Variants in FOXN3 observed in about 807,000 individuals in gnomAD.
FOXN3 encodes the protein forkhead box protein N3.
Under a neutral mutation model 38.4 loss-of-function variants are expected in FOXN3, and 7 were observed. That is an observed-to-expected ratio of 0.18 (90% confidence interval 0.10 to 0.34). The LOEUF (loss-of-function observed/expected upper bound fraction) is 0.34. Ranked by LOEUF, FOXN3 falls within the 10% of genes least tolerant of loss-of-function variation. The probability of loss-of-function intolerance (pLI) is 1.00; values close to 1 mark genes in which losing one functional copy is unlikely to be tolerated. For synonymous variants in FOXN3, 230 were observed against 242.2 expected (o/e 0.95, Z 0.47); for missense variants, 456 against 613.4 (o/e 0.74, Z 2.71).
At chr14:89,604,259 G>A (rs1022360970) in intron 1 of FOXN3, among the ~76,000 whole-genome samples, 34 of 149,664 alleles carry the variant, frequency 2.3e-4, no homozygotes, top group African/African-American at 6.9e-4. Context: ...ACACACACGC[G>A]CGCGCACACA....
intron 3 of FOXN3, among the ~76,000 whole-genome samples, chr14:89,334,133 T>C (rs952230746): frequency 1.3e-5 from 2 of 151,726 alleles, no homozygotes; most frequent in African/African-American, 4.8e-5. Context: ...TCATGCTACA[T>C]GAAACAAGCC....
chr14:89,198,492 C>T (rs751744135), intron 4 of FOXN3, among the ~76,000 whole-genome samples: 9 of 152,182 alleles, frequency 5.9e-5, no homozygotes, highest in Non-Finnish European at 1.3e-4. Context: ...AACAAATAAA[C>T]AAAACTCCAA....
intron 2 of FOXN3, among the ~76,000 whole-genome samples, chr14:89,376,099 A>G (rs1432588608): frequency 6.6e-6 from 1 of 152,184 alleles, no homozygotes; most frequent in Non-Finnish European, 1.5e-5. Flanking sequence ...TTCAGTTTTT[A>G]AATACCATTC....
chr14:89,436,251 G>A (rs900436825), intron 1 of FOXN3, among the ~76,000 whole-genome samples: 5 of 143,330 alleles, frequency 3.5e-5, no homozygotes, highest in Non-Finnish European at 7.5e-5. Context: ...TACATTCTTG[G>A]TTTTATAGCC....
At chr14:89,296,333 T>C (rs1887040403) in intron 3 of FOXN3, among the ~76,000 whole-genome samples, 1 of 152,256 alleles carries the variant, frequency 6.6e-6, no homozygotes, top group South Asian at 2.1e-4. Flanking sequence ...AGTACATTAT[T>C]TGCATGATAT....
At chr14:89,439,438 G>A (rs961051168) in intron 1 of FOXN3, among the ~76,000 whole-genome samples, 16 of 152,164 alleles carry the variant, frequency 1.1e-4, no homozygotes, top group African/African-American at 2.9e-4. Flanking sequence ...AGATGGTGAC[G>A]AGAGTGACCT....
chr14:89,276,132 A>G (rs2139910693), intron 4 of FOXN3, among the ~76,000 whole-genome samples: 1 of 152,278 alleles, frequency 6.6e-6, no homozygotes, highest in Non-Finnish European at 1.5e-5. Context: ...CGTAAAAATT[A>G]GCTGAGTGGG....
At chr14:89,471,980 GT>G (rs1256352176) in intron 1 of FOXN3, among the ~76,000 whole-genome samples, 10 of 152,276 alleles carry the variant, frequency 6.6e-5, no homozygotes, top group Admixed American at 4.6e-4. Context: ...TTCCGGCCAG[GT>G]GTGGTGGCTC....
rs116506329 is a variant in FOXN3 at position 89,541,055 on chromosome 14, G to A, written c.-15+77973C>T. Among the ~76,000 whole-genome samples the A allele has an allele frequency of 3.2e-3, 492 of 152,256 alleles. 3 individuals carry two copies. The highest frequency in any genetic ancestry group is 0.011 in the African/African-American group (467 of 41,554). ...TTGGAAGAATTCTAAGATTCTTACC[G>A]ATTTTGATTTCAATTTGTACATTGT... On this transcript the variant is annotated intron_variant, in intron 1 of 6. Transcript: ENST00000345097.
At chr14:89,513,150 G>GA (rs36003791) in intron 1 of FOXN3, among the ~76,000 whole-genome samples, 51,743 of 101,924 alleles carry the variant, frequency 0.51, 14,029 homozygotes, top group Middle Eastern at 0.62. Flanking sequence ...TCCATCTCAG[G>GA]AAAAAAAAAA....
At chr14:89,574,070 T>C (rs1169102907) in intron 1 of FOXN3, among the ~76,000 whole-genome samples, 2 of 152,178 alleles carry the variant, frequency 1.3e-5, no homozygotes, top group Non-Finnish European at 2.9e-5. Flanking sequence ...AGGTCCTTAG[T>C]AGCAAAGAGG....
At chr14:89,561,369 C>T (rs1471983967) in intron 1 of FOXN3, among the ~76,000 whole-genome samples, 1 of 152,214 alleles carries the variant, frequency 6.6e-6, no homozygotes, top group Non-Finnish European at 1.5e-5. Context: ...TGCACCACCA[C>T]ACCCAGCTAA....
In FOXN3 at chr14:89,173,614, G is replaced by A. The variant is rs367708358; in HGVS notation, c.851+7087C>T. Among the ~76,000 whole-genome samples, 69 of 152,206 alleles carry A rather than the reference G, an allele frequency of 4.5e-4. No individual in the cohort carries two copies. In the East Asian group the frequency reaches 5.4e-3, roughly 12 times the overall value. On this transcript the variant is annotated intron_variant, in intron 5 of 5. Coordinates refer to ENST00000557258, the MANE Select transcript of FOXN3 (RefSeq NM_005197.4). ...TAGCAGTGAAAATGACTCAATTACA[G>A]CTAGATGTCACAAAACAAAGAAACC...
At chr14:89,602,558 G>T (rs1471753968) in intron 1 of FOXN3, among the ~76,000 whole-genome samples, 1 of 151,446 alleles carries the variant, frequency 6.6e-6, no homozygotes, top group African/African-American at 2.4e-5. Flanking sequence ...GTGCAGTGGC[G>T]CGATCTCGGC....
At chr14:89,273,041 C>T (rs1455356015) in intron 4 of FOXN3, among the ~76,000 whole-genome samples, 3 of 152,204 alleles carry the variant, frequency 2.0e-5, no homozygotes, top group East Asian at 1.9e-4. Context: ...TCCCCAGTTT[C>T]GGACTGAGCC....
intron 4 of FOXN3, among the ~76,000 whole-genome samples, chr14:89,255,525 A>G (rs956711384): frequency 6.6e-6 from 1 of 151,790 alleles, no homozygotes; most frequent in Non-Finnish European, 1.5e-5. Context: ...TCTCCCTCAC[A>G]CCCAGAATGC....
chr14:89,281,281 C>T (rs1393311625), intron 3 of FOXN3, among the ~76,000 whole-genome samples: 3 of 152,178 alleles, frequency 2.0e-5, no homozygotes, highest in African/African-American at 4.8e-5. Flanking sequence ...CACAAAATGG[C>T]AAATTCACAT....
intron 3 of FOXN3, among the ~76,000 whole-genome samples, chr14:89,344,466 C>A (rs1888708813): frequency 6.6e-6 from 1 of 152,170 alleles, no homozygotes; most frequent in South Asian, 2.1e-4. Context: ...AATGCAAAAC[C>A]TGTTCTCCAA....
chr14:89,338,040 T>C (rs1888515833), intron 3 of FOXN3, among the ~76,000 whole-genome samples: 1 of 152,180 alleles, frequency 6.6e-6, no homozygotes. Flanking sequence ...GGGCAGCCTG[T>C]CTTAGGCTTG....
Sources: gnomAD v4.1 joint callset for allele counts (sites outside exome capture counted in the v4.1 genomes callset) on GRCh38, gnomAD v4.1.1 for gene constraint, MANE v1.5 for transcripts, NCBI Gene and HGNC (gene_info 2026-07-23, HGNC 2026-07-21) for gene names.